SPAG16: variants seen among roughly 807,000 people sequenced by gnomAD.
The protein encoded by SPAG16 is sperm-associated antigen 16 protein.
A neutral mutation model predicts 80.4 loss-of-function variants in SPAG16; 86 were observed. The observed-to-expected ratio is 1.07, with a 90% confidence interval of 0.90 to 1.28. The LOEUF (loss-of-function observed/expected upper bound fraction) is 1.28, where lower values mean the gene tolerates loss of function less well. Among genes scored for constraint, SPAG16 ranks in the 50% most tolerant of loss-of-function variants. SPAG16 has a pLI of 0.00. For missense variants in SPAG16, 870 were observed against 765.3 expected (o/e 1.14, Z -1.61); for synonymous variants, 294 against 265.9 (o/e 1.11, Z -1.03).
chr2:213,586,768 A>G (rs535890935), intron 10 of SPAG16, among the ~76,000 whole-genome samples: 19 of 152,334 alleles, frequency 1.2e-4, no homozygotes, highest in Admixed American at 1.0e-3. Context: ...AATTACAATG[A>G]TGGGGTAGAC....
chr2:213,521,784 A>G (rs1440479692), intron 10 of SPAG16, among the ~76,000 whole-genome samples: 1 of 152,262 alleles, frequency 6.6e-6, no homozygotes. Flanking sequence ...TTACATTTAT[A>G]GTACTCCCAT....
chr2:214,221,238 T>C (rs1471144524), intron 15 of SPAG16, among the ~76,000 whole-genome samples: 6 of 152,190 alleles, frequency 3.9e-5, no homozygotes, highest in Non-Finnish European at 7.4e-5. Context: ...CTTTTCACAG[T>C]ATTTCAAGTA....
chr2:213,377,348 C>A (rs1256194755), intron 9 of SPAG16, among the ~76,000 whole-genome samples: 2 of 152,164 alleles, frequency 1.3e-5, no homozygotes, highest in Admixed American at 6.5e-5. Flanking sequence ...TTTATGTGAC[C>A]TACTGACTCT....
intron 13 of SPAG16, among the ~76,000 whole-genome samples, chr2:214,019,023 C>T (rs2047725712): frequency 6.6e-6 from 1 of 152,012 alleles, no homozygotes; most frequent in Admixed American, 6.6e-5. Flanking sequence ...AGTTTGGAAA[C>T]TCATGAAATT....
chr2:213,930,012 C>T lies in SPAG16; in HGVS notation c.1267C>T (p.Leu423=), dbSNP rs759690529. Residue 423 remains leucine, a synonymous_variant, in exon 12 of 16, where the codon CTA becomes TTA. Coordinates refer to ENST00000331683, the MANE Select transcript of SPAG16 (RefSeq NM_024532.5). ...TGACACTACAGTTAAATTATGGGATCTATGTAAAGGCGATTGCATTTTGAC... is the reference window on the plus strand; with the variant it reads ...TGACACTACAGTTAAATTATGGGATTTATGTAAAGGCGATTGCATTTTGAC... The part of the protein sequence containing the change: ...SGDTTVKLWD[L]CKGDCILTFE... 1 of 1,613,706 alleles carries T rather than the reference C, an allele frequency of 6.2e-7. No individual in the cohort carries two copies. The highest frequency in any genetic ancestry group is 1.1e-5 in the South Asian group (1 of 90,980).
At position 213,511,926 on chromosome 2, in the gene SPAG16, A is replaced by C. The variant is rs114717623; in HGVS notation, c.1070+21836A>C. ...AAAACATTTGCACTCACAATACTTT[A>C]GTTTTGAGCTTTGTTTTCTTTATGA... On this transcript the variant is annotated intron_variant, in intron 10 of 15. Transcript: ENST00000331683. Among the ~76,000 whole-genome samples the C allele has an allele frequency of 5.0e-3, 762 of 152,112 alleles. 2 individuals are homozygous for C. Among genetic ancestry groups the C allele is most frequent in the Non-Finnish European group, 8.7e-3 (589 of 67,934 alleles).
intron 12 of SPAG16, among the ~76,000 whole-genome samples, chr2:213,988,820 G>A (rs1172583488): frequency 1.3e-5 from 2 of 152,052 alleles, no homozygotes; most frequent in Non-Finnish European, 2.9e-5. Context: ...AAGACATACA[G>A]GGTTTGTGGT....
chr2:214,113,430 C>A (rs1458153436), intron 14 of SPAG16, among the ~76,000 whole-genome samples: 1 of 152,160 alleles, frequency 6.6e-6, no homozygotes, highest in Non-Finnish European at 1.5e-5. Flanking sequence ...AACTTGGTTC[C>A]ATTTTCCCCG....
chr2:213,862,663 T>C (rs1398703662), intron 11 of SPAG16, 35 bp downstream of exon 11: 3 of 1,608,020 alleles, frequency 1.9e-6, no homozygotes, highest in Non-Finnish European at 2.6e-6. Context: ...TAGCCTAATC[T>C]CTCTAGGAAT....
In SPAG16 at chr2:214,272,084, T is replaced by C. The variant is rs529267594; in HGVS notation, c.1720+122818T>C. On this transcript the variant is annotated intron_variant, in intron 15 of 15. Coordinates refer to ENST00000331683, the MANE Select transcript of SPAG16 (RefSeq NM_024532.5). ...ATTTCATTAAAATTATAAGTACTTA[T>C]TGGTTTCCTTTCAAAGTGTCATATC... is the stretch of plus-strand genomic sequence containing the variant. Among the ~76,000 whole-genome samples the C allele has an allele frequency of 4.6e-5, 7 of 152,308 alleles. No homozygotes were observed. The South Asian group carries it at 1.0e-3, about 23-fold the overall frequency.
chr2:213,976,838 T>C (rs1422919090), intron 12 of SPAG16, among the ~76,000 whole-genome samples: 1 of 152,098 alleles, frequency 6.6e-6, no homozygotes, highest in African/African-American at 2.4e-5. Context: ...TTTGTTTGTT[T>C]GTTTGTTTTT....
intron 10 of SPAG16, among the ~76,000 whole-genome samples, chr2:213,793,644 T>C (rs1364046871): frequency 6.6e-6 from 1 of 152,224 alleles, no homozygotes; most frequent in Non-Finnish European, 1.5e-5. Context: ...ACATCTATTG[T>C]AAGCACTAGT....
intron 13 of SPAG16, among the ~76,000 whole-genome samples, chr2:214,075,544 C>G: frequency 6.6e-6 from 1 of 152,238 alleles, no homozygotes; most frequent in Middle Eastern, 3.4e-3. Context: ...CTTGTGATTT[C>G]AGCACTTTGC....
chr2:213,504,853 G>A (rs79089583), intron 10 of SPAG16, among the ~76,000 whole-genome samples: 2 of 152,242 alleles, frequency 1.3e-5, no homozygotes, highest in East Asian at 1.9e-4. Context: ...ACATTTATAG[G>A]AGCCCATTTA....
At chr2:214,280,028 G>A (rs1371330281) in intron 15 of SPAG16, among the ~76,000 whole-genome samples, 1 of 152,182 alleles carries the variant, frequency 6.6e-6, no homozygotes, top group African/African-American at 2.4e-5. Context: ...AAGAAAAGAT[G>A]TCTCAAATTG....
intron 9 of SPAG16, among the ~76,000 whole-genome samples, chr2:213,376,258 A>T (rs1273704927): frequency 6.6e-6 from 1 of 151,998 alleles, no homozygotes; most frequent in Non-Finnish European, 1.5e-5. Flanking sequence ...TCTTTCAGGT[A>T]GTAAGTCATA....
At chr2:213,901,633 G>A (rs527992336) in intron 11 of SPAG16, among the ~76,000 whole-genome samples, 2 of 152,110 alleles carry the variant, frequency 1.3e-5, no homozygotes, top group African/African-American at 4.8e-5. Flanking sequence ...AACTTGTACA[G>A]GAATGTATGT....
intron 10 of SPAG16, among the ~76,000 whole-genome samples, chr2:213,855,203 A>G (rs1411373843): frequency 1.3e-5 from 2 of 152,278 alleles, no homozygotes; most frequent in Non-Finnish European, 2.9e-5. Flanking sequence ...CCAGTTCTTT[A>G]GAAACTTCAA....
chr2:214,353,599 C>CCAGT (rs1698568448), intron 15 of SPAG16, among the ~76,000 whole-genome samples: 1 of 151,890 alleles, frequency 6.6e-6, no homozygotes. Flanking sequence ...AACAAAATAC[C>CCAGT]CAGTCAGTCA....
Sources: gnomAD v4.1 joint callset for allele counts (sites outside exome capture counted in the v4.1 genomes callset) on GRCh38, gnomAD v4.1.1 for gene constraint, MANE v1.5 for transcripts, NCBI Gene and HGNC (gene_info 2026-07-23, HGNC 2026-07-21) for gene names.